IRF2BP2: variants seen among roughly 807,000 people sequenced by gnomAD.
The protein encoded by IRF2BP2 is interferon regulatory factor 2 binding protein 2, also known as interferon regulatory factor 2-binding protein 2.
In IRF2BP2, 13 loss-of-function variants were observed where a neutral mutation model predicts 32.7. The observed-to-expected ratio is 0.40, with a 90% CI of 0.26 to 0.63. The LOEUF is 0.63. Ranked by LOEUF, IRF2BP2 falls within the 30% of genes least tolerant of loss-of-function variation. The pLI, the probability that IRF2BP2 is intolerant of heterozygous loss-of-function variation, is 0.42. For missense variants in IRF2BP2, 980 were observed against 830.6 expected (o/e 1.18, Z -2.21); for synonymous variants, 555 against 384.6 (o/e 1.44, Z -5.18).
At position 234,605,393 on chromosome 1, in the gene IRF2BP2, T is replaced by C. The variant is rs923314931; in HGVS notation, c.*1744A>G. ...TAATATAACAATGACTGGTAAAACA[T>C]GAATTCTCGCACAGTAGTAATAGGT... On this transcript the variant is annotated 3_prime_UTR_variant, in exon 2 of 2. Coordinates refer to ENST00000366609, the MANE Select transcript of IRF2BP2 (RefSeq NM_182972.3). 7 of 152,240 alleles carry C rather than the reference T, an allele frequency of 4.6e-5. No homozygotes were observed. The highest frequency in any genetic ancestry group is 1.0e-4 in the Non-Finnish European group (7 of 68,034). 9.4% of individuals were successfully genotyped at this position (152,240 alleles called of 1,614,324 possible).
rs2102766106 is a variant in IRF2BP2 at position 234,604,328 on chromosome 1, T to G, written c.*2809A>C. ...AAAAGTTAAAGAAAAAAAGGTACTGTAAATCTGACAAATGACAGAATTCAG... is the reference window on the plus strand; with the variant it reads ...AAAAGTTAAAGAAAAAAAGGTACTGGAAATCTGACAAATGACAGAATTCAG... On this transcript the variant is annotated 3_prime_UTR_variant, in exon 2 of 2. Transcript: ENST00000366609. 6.6e-6 allele frequency: 1 copy of G among 152,330 alleles called. No individual in the cohort carries two copies. The highest frequency in any genetic ancestry group is 2.1e-4 in the South Asian group (1 of 4,832). 9.4% of individuals were successfully genotyped at this position (152,330 alleles called of 1,614,324 possible).
Position 234,609,524 on chromosome 1 carries a change from A to AGGCGGAGGAGGAGGAGGG in IRF2BP2, c.-48_-31dup. 1 of 1,380,214 alleles carries AGGCGGAGGAGGAGGAGGG rather than the reference A, an allele frequency of 7.2e-7. No individual in the cohort carries two copies. The highest frequency in any genetic ancestry group is 9.6e-7 in the Non-Finnish European group (1 of 1,045,618). 85.5% of individuals were successfully genotyped at this position (1,380,214 alleles called of 1,614,324 possible). ...GAGGAGCCCGCGACGCCGGAGGAGG[A>AGGCGGAGGAGGAGGAGGG]GGCGGAGGAGGAGGAGGGGGCGCCG... On this transcript the variant is annotated 5_prime_UTR_variant, in exon 1 of 2. Transcript: ENST00000366609.
In IRF2BP2 at chr1:234,608,674, G is replaced by A; in HGVS notation, c.821C>T (p.Ser274Phe). 2 of 1,520,716 alleles carry A rather than the reference G, an allele frequency of 1.3e-6. No individual in the cohort carries two copies. The highest frequency in any genetic ancestry group is 1.4e-5 in the African/African-American group (1 of 69,474). 94.2% of individuals were successfully genotyped at this position (1,520,716 alleles called of 1,614,324 possible). Residue 274 changes from serine (S) to phenylalanine (F), a missense_variant, in exon 1 of 2, where the codon TCC becomes TTC. Transcript: ENST00000366609. ...CAGCTCGGCGGCCCCGGCCGCGGTG[G>A]ACAGGCTGTCGGCCGGGCCCCGGTG... is the stretch of plus-strand genomic sequence containing the variant. Reference protein sequence around the residue: ...PAHRGPADSLSTAAGAAELSA... With the variant: ...PAHRGPADSLFTAAGAAELSA...
chr1:234,609,357 G>A lies in IRF2BP2; in HGVS notation c.138C>T (p.Ala46=). The A allele has an allele frequency of 1.3e-6, 2 of 1,545,758 alleles. No homozygotes were observed. The highest frequency in any genetic ancestry group is 1.7e-6 in the Non-Finnish European group (2 of 1,148,818). ...VCRGCVNYEG[A]DRVEFVIETA... The stretch of plus-strand genomic sequence containing the variant: ...TCTCGATGACGAACTCGACGCGGTC[G>A]GCGCCCTCGTAGTTGACGCAGCCGC... The change falls in exon 1 of 2, where the codon GCC becomes GCT. Residue 46 remains alanine, a synonymous_variant. Transcript: ENST00000366609.
chr1:234,608,916 G>A lies in IRF2BP2; in HGVS notation c.579C>T (p.Asn193=), dbSNP rs754149764. The change falls in exon 1 of 2, where the codon AAC becomes AAT. Residue 193 remains asparagine (N), a synonymous_variant. Coordinates refer to ENST00000366609, the MANE Select transcript of IRF2BP2 (RefSeq NM_182972.3). ...CGGTGGGCAGCGGCGTGGCCGAGCC[G>A]TTCATGAGCGGCACCAGGGTGGGCG... ...AVPPTLVPLM[N]GSATPLPTAL... 23 of 1,370,060 alleles carry A rather than the reference G, an allele frequency of 1.7e-5. No individual in the cohort carries two copies. Among genetic ancestry groups the A allele is most frequent in the Non-Finnish European group, 1.9e-5 (20 of 1,069,354 alleles). 84.9% of individuals were successfully genotyped at this position (1,370,060 alleles called of 1,614,324 possible). A position where few individuals can be genotyped will look rare whatever the true frequency, so the allele number is the denominator to read the frequency against.
Position 234,609,828 on chromosome 1 carries a change from G to T in IRF2BP2, c.-334C>A, listed in dbSNP as rs1445143625. Among the ~76,000 whole-genome samples the T allele has an allele frequency of 1.4e-5, 2 of 142,754 alleles. No individual in the cohort carries two copies. The highest frequency in any genetic ancestry group is 5.0e-5 in the African/African-American group (2 of 39,770). 93.7% of individuals were successfully genotyped at this position (142,754 alleles called of 152,430 possible). On this transcript the variant is annotated 5_prime_UTR_variant, in exon 1 of 2. Coordinates refer to ENST00000366609, the MANE Select transcript of IRF2BP2 (RefSeq NM_182972.3). ...GTGGGGGCTCGGCCGGAGCCGCGGC[G>T]GGCCTCCAGACCGGGGCGAAGACGG...
In IRF2BP2 at chr1:234,609,514, C is replaced by CCGGAGGAGGAGG. The variant is rs768316682; in HGVS notation, c.-32_-21dup. 14 of 1,434,978 alleles carry CCGGAGGAGGAGG rather than the reference C, an allele frequency of 9.8e-6. No individual in the cohort carries two copies. The highest frequency in any genetic ancestry group is 1.3e-5 in the Non-Finnish European group (14 of 1,082,774). The allele number at this position is 1,434,978 out of a possible 1,614,324, so 88.9% of individuals were successfully genotyped here. A position where few individuals can be genotyped will look rare whatever the true frequency, so the allele number is the denominator to read the frequency against. The stretch of plus-strand genomic sequence containing the variant: ...GGCCATGTCCGAGGAGCCCGCGACG[C>CCGGAGGAGGAGG]CGGAGGAGGAGGCGGAGGAGGAGGA... On this transcript the variant is annotated 5_prime_UTR_variant, in exon 1 of 2. Coordinates refer to ENST00000366609, the MANE Select transcript of IRF2BP2 (RefSeq NM_182972.3).
Position 234,607,901 on chromosome 1 carries a change from C to T in IRF2BP2, c.1049-49G>A, listed in dbSNP as rs751850052. Reference sequence around the variant, plus strand: ...GAAAAAGGTAACATAAGTGGCGGTGCACTGAAAGAGATCATTCTCTTCCTA... The same window carrying T: ...GAAAAAGGTAACATAAGTGGCGGTGTACTGAAAGAGATCATTCTCTTCCTA... On this transcript the variant is annotated intron_variant, in intron 1 of 1. Transcript: ENST00000366609. 7 of 1,390,862 alleles carry T rather than the reference C, an allele frequency of 5.0e-6. No homozygotes were observed. In the Admixed American group the frequency reaches 6.8e-5, roughly 14 times the overall value. 86.2% of individuals were successfully genotyped at this position (1,390,862 alleles called of 1,614,324 possible). A position where few individuals can be genotyped will look rare whatever the true frequency, so the allele number is the denominator to read the frequency against.
rs1026714861 is a variant in IRF2BP2 at position 234,608,505 on chromosome 1, G to T, written c.990C>A (p.Ala330=). The stretch of plus-strand genomic sequence containing the variant: ...AACCCAACAACCTGCCTGCAGTCAG[G>T]GCCGGCTCCTTCTTAAACTTGCTCT... ...PFESKFKKEP[A]LTAGRLLGFE... The change falls in exon 1 of 2, where the codon GCC becomes GCA. Residue 330 remains alanine (A), a synonymous_variant. Coordinates refer to ENST00000366609, the MANE Select transcript of IRF2BP2 (RefSeq NM_182972.3). 5 of 1,609,510 alleles carry T rather than the reference G, an allele frequency of 3.1e-6. No individual in the cohort carries two copies. The South Asian group carries it at 4.4e-5, about 14-fold the overall frequency.
rs1672197369 is a variant in IRF2BP2 at position 234,607,566 on chromosome 1, G to C, written c.1335C>G (p.Asn445Lys). 2.5e-6 allele frequency: 4 copies of C among 1,614,214 alleles called. No individual in the cohort carries two copies. The highest frequency in any genetic ancestry group is 3.4e-6 in the Non-Finnish European group (4 of 1,180,036). Residue 445 changes from asparagine to lysine, a missense_variant, in exon 2 of 2, where the codon AAC becomes AAG. Transcript: ENST00000366609. ...TCCTCCTGGTAGTGGAGTGAACCTG[G>C]TTGGCATCTTTTGAGGCATGACTGC... Reference protein sequence around the residue: ...AGGSHASKDANQVHSTTRRNS... With the variant: ...AGGSHASKDAKQVHSTTRRNS...
rs770264626 is a variant in IRF2BP2 at position 234,607,800 on chromosome 1, G to T, written c.1101C>A (p.Val367=). 6 of 1,609,418 alleles carry T rather than the reference G, an allele frequency of 3.7e-6. No homozygotes were observed. Among genetic ancestry groups the T allele is most frequent in the Non-Finnish European group, 5.1e-6 (6 of 1,177,140 alleles). Residue 367 remains valine, a synonymous_variant, in exon 2 of 2, where the codon GTC becomes GTA. Transcript: ENST00000366609. ...RKPSPEPEGE[V]GPPKINGEAQ... ...CCTCTCCGTTGATCTTAGGGGGCCC[G>T]ACTTCACCTTCTGGTTCTGGAGAGG... is the stretch of plus-strand genomic sequence containing the variant.
In IRF2BP2 at chr1:234,606,379, T is replaced by C. The variant is rs918895178; in HGVS notation, c.*758A>G. 3.2e-4 allele frequency: 48 copies of C among 151,982 alleles called. No individual in the cohort carries two copies. The highest frequency in any genetic ancestry group is 1.1e-3 in the African/African-American group (47 of 41,332). The allele number at this position is 151,982 out of a possible 1,614,324, so 9.4% of individuals were successfully genotyped here. A position where few individuals can be genotyped will look rare whatever the true frequency, so the allele number is the denominator to read the frequency against. ...ACCGCCTTCCATCACTGGAATTGTA[T>C]CTTATGTAACCAACTAGCATGCAGC... On this transcript the variant is annotated 3_prime_UTR_variant, in exon 2 of 2. Coordinates refer to ENST00000366609, the MANE Select transcript of IRF2BP2 (RefSeq NM_182972.3).
At chr1:234,608,111 G>T (rs1047676027) in intron 1 of IRF2BP2, 1 of 544,204 alleles carries the variant, frequency 1.8e-6, no homozygotes, top group East Asian at 3.0e-5. Context: ...TTGTACACAT[G>T]CACAAAAGTA....
chr1:234,608,694 C>T lies in IRF2BP2; in HGVS notation c.801G>A (p.Arg267=). ...KEKQPPPPAH[R]GPADSLSTAA... ...CGGTGGACAGGCTGTCGGCCGGGCC[C>T]CGGTGCGCAGGCGGCGGCGGTTGTT... Residue 267 remains arginine, a synonymous_variant, in exon 1 of 2, where the codon CGG becomes CGA. Coordinates refer to ENST00000366609, the MANE Select transcript of IRF2BP2 (RefSeq NM_182972.3). The T allele has an allele frequency of 2.0e-6, 3 of 1,506,462 alleles. 1 individual carries two copies. In the South Asian group the frequency reaches 3.8e-5, roughly 19 times the overall value. The allele number at this position is 1,506,462 out of a possible 1,614,324, so 93.3% of individuals were successfully genotyped here.
rs770058656 is a variant in IRF2BP2, at chr1:234,608,633, C to A, written c.862G>T (p.Gly288Cys). ...GAAELSAEGA[G>C]KSRGSGEQDW... The stretch of plus-strand genomic sequence containing the variant: ...TGCTCTCCAGACCCGCGGCTCTTGC[C>A]CGCACCTTCCGCGCTCAGCTCGGCG... Residue 288 changes from glycine to cysteine, a missense_variant, in exon 1 of 2, where the codon GGC becomes TGC. Transcript: ENST00000366609. 6.4e-7 allele frequency: 1 copy of A among 1,560,006 alleles called. No individual in the cohort carries two copies. Among genetic ancestry groups the A allele is most frequent in the Non-Finnish European group, 8.6e-7 (1 of 1,158,632 alleles).
Position 234,609,925 on chromosome 1 carries a change from A to G in IRF2BP2, c.-431T>C, listed in dbSNP as rs1254303247. On this transcript the variant is annotated 5_prime_UTR_variant, in exon 1 of 2. Coordinates refer to ENST00000366609, the MANE Select transcript of IRF2BP2 (RefSeq NM_182972.3). Reference sequence around the variant, plus strand: ...ACGGAGTGCGGGGCGGGGGGCGGGGAGGCCGGGGGGGCAGGGGGCGGGGGG... The same window carrying G: ...ACGGAGTGCGGGGCGGGGGGCGGGGGGGCCGGGGGGGCAGGGGGCGGGGGG... Among the ~76,000 whole-genome samples, 4 of 33,750 alleles carry G rather than the reference A, an allele frequency of 1.2e-4. No homozygotes were observed. Among genetic ancestry groups the G allele is most frequent in the African/African-American group, 3.3e-4 (3 of 9,184 alleles). The allele number at this position is 33,750 out of a possible 152,430, so 22.1% of individuals were successfully genotyped here. A position where few individuals can be genotyped will look rare whatever the true frequency, so the allele number is the denominator to read the frequency against.
rs565794335 is a variant in IRF2BP2 at position 234,607,413 on chromosome 1, G to A, written c.1488C>T (p.Ser496=). ...ACAGCGGGGCACTGGTTGCCAGAGA[G>A]GAGTCCGGGAGGCTGGCAGGGTGCA... ...EPVHPASLPD[S]SLATSAPLCC... The change falls in exon 2 of 2, where the codon TCC becomes TCT. Residue 496 remains serine, a synonymous_variant. Coordinates refer to ENST00000366609, the MANE Select transcript of IRF2BP2 (RefSeq NM_182972.3). 1 of 1,614,114 alleles carries A rather than the reference G, an allele frequency of 6.2e-7. No homozygotes were observed. The highest frequency in any genetic ancestry group is 1.1e-5 in the South Asian group (1 of 91,088).
In IRF2BP2 at chr1:234,606,365, T is replaced by C. The variant is rs1672159436; in HGVS notation, c.*772A>G. The C allele has an allele frequency of 1.3e-5, 2 of 152,084 alleles. No individual in the cohort carries two copies. The highest frequency in any genetic ancestry group is 1.3e-4 in the Admixed American group (2 of 15,272). 9.4% of individuals were successfully genotyped at this position (152,084 alleles called of 1,614,324 possible). On this transcript the variant is annotated 3_prime_UTR_variant, in exon 2 of 2. Coordinates refer to ENST00000366609, the MANE Select transcript of IRF2BP2 (RefSeq NM_182972.3). Reference sequence around the variant, plus strand: ...CACCATCCATTATAACCGCCTTCCATCACTGGAATTGTATCTTATGTAACC... The same window carrying C: ...CACCATCCATTATAACCGCCTTCCACCACTGGAATTGTATCTTATGTAACC...
intron 1 of IRF2BP2, chr1:234,608,242 C>A (rs1258238014): frequency 1.8e-6 from 1 of 550,802 alleles, no homozygotes; most frequent in Non-Finnish European, 3.2e-6. Context: ...CAGAGCGTAT[C>A]AGCCCAGTCT....
Sources: gnomAD v4.1 joint callset for allele counts (sites outside exome capture counted in the v4.1 genomes callset) on GRCh38, gnomAD v4.1.1 for gene constraint, MANE v1.5 for transcripts, NCBI Gene and HGNC (gene_info 2026-07-23, HGNC 2026-07-21) for gene names.